Variants in PHF21B observed in about 807,000 individuals in gnomAD.
PHF21B encodes PHD finger protein 21B, also known as PHD finger protein 4.
PHF21B carries 22 observed loss-of-function variants against 62.2 expected under a neutral mutation model. The observed-to-expected ratio is 0.35, with a 90% CI of 0.25 to 0.51. The LOEUF (loss-of-function observed/expected upper bound fraction) is 0.51, where lower values mean the gene tolerates loss of function less well. PHF21B is among the 20% of genes least tolerant of loss of function. PHF21B has a pLI of 0.97. For missense variants in PHF21B, 701 were observed against 707.9 expected (o/e 0.99, Z 0.11); for synonymous variants, 341 against 314.7 (o/e 1.08, Z -0.88).
intron 2 of PHF21B, among the ~76,000 whole-genome samples, chr22:44,953,447 C>T (rs2072233811): frequency 6.6e-6 from 1 of 152,188 alleles, no homozygotes; most frequent in East Asian, 1.9e-4. Context: ...GCTAATTTTC[C>T]ACGTTCCCTT....
intron 2 of PHF21B, among the ~76,000 whole-genome samples, chr22:44,957,506 A>G (rs890179523): frequency 1.3e-5 from 2 of 152,136 alleles, no homozygotes; most frequent in African/African-American, 4.8e-5. Context: ...TTTTATGTGT[A>G]TTTAAATAAC....
At chr22:44,933,986 G>A (rs979373921) in intron 2 of PHF21B, among the ~76,000 whole-genome samples, 1 of 152,188 alleles carries the variant, frequency 6.6e-6, no homozygotes, top group Non-Finnish European at 1.5e-5. Flanking sequence ...GCATTTCCAC[G>A]CAGTTTGAGG....
rs922855132 is a variant in PHF21B at position 45,009,016 on chromosome 22, C to T, written c.55-406G>A. 87 of 1,125,212 alleles carry T rather than the reference C, an allele frequency of 7.7e-5. No individual in the cohort carries two copies. Among genetic ancestry groups the T allele is most frequent in the Non-Finnish European group, 8.8e-5 (81 of 920,202 alleles). 69.7% of individuals were successfully genotyped at this position (1,125,212 alleles called of 1,614,324 possible). On this transcript the variant is annotated intron_variant, in intron 1 of 12. Transcript: ENST00000313237. The surrounding 1 kb of genome is among the most constrained non-coding windows in gnomAD (Gnocchi z 5.9). ...AATATTCAAGTCGCGTCCTAATCTC[C>T]CCAACACACACACGCGCACGCCGAG... is the stretch of plus-strand genomic sequence containing the variant.
intron 5 of PHF21B, among the ~76,000 whole-genome samples, chr22:44,906,509 C>T (rs1461460576): frequency 2.0e-5 from 3 of 152,304 alleles, no homozygotes; most frequent in South Asian, 2.1e-4. Context: ...CTTTGCAGGG[C>T]GTGTACTGAT....
intron 5 of PHF21B, among the ~76,000 whole-genome samples, chr22:44,899,349 G>T (rs1027365960): frequency 6.9e-6 from 1 of 144,474 alleles, no homozygotes; most frequent in Non-Finnish European, 1.5e-5. Flanking sequence ...GGAGTGCAGT[G>T]GCATGATCTC....
intron 2 of PHF21B, among the ~76,000 whole-genome samples, chr22:44,994,530 CTG>C (rs2147512522): frequency 6.6e-6 from 1 of 152,364 alleles, no homozygotes; most frequent in Non-Finnish European, 1.5e-5. Context: ...GCCTCCAGAA[CTG>C]TGAGAGAATG....
intron 2 of PHF21B, among the ~76,000 whole-genome samples, chr22:44,924,064 G>C (rs896550349): frequency 1.5e-5 from 1 of 66,574 alleles, no homozygotes; most frequent in African/African-American, 3.8e-5. Flanking sequence ...GGGAGGGAGG[G>C]AGGGAGGGGA....
Position 45,009,349 on chromosome 22 carries a change from G to A in PHF21B, c.54+147C>T. On this transcript the variant is annotated intron_variant, in intron 1 of 12. Coordinates refer to ENST00000313237, the MANE Select transcript of PHF21B (RefSeq NM_138415.5). This position sits in a 1 kb window ranked among gnomAD's most constrained non-coding sequence, Gnocchi z 5.9. ...GGAGCCCAGAAGGGGGTCCGCGCGT[G>A]TGCTCACTCCCTCGCCCCCCGCCCC... The A allele has an allele frequency of 2.5e-6, 2 of 804,162 alleles. No individual in the cohort carries two copies. Among genetic ancestry groups the A allele is most frequent in the Non-Finnish European group, 3.7e-6 (2 of 533,912 alleles). The allele number at this position is 804,162 out of a possible 1,614,324, so 49.8% of individuals were successfully genotyped here.
chr22:44,952,992 C>T (rs1017665249), intron 2 of PHF21B, among the ~76,000 whole-genome samples: 1 of 152,214 alleles, frequency 6.6e-6, no homozygotes, highest in Admixed American at 6.5e-5. Context: ...ATTCCGCAGA[C>T]CCCTGGGTCT....
chr22:44,927,118 C>T (rs1281122009), intron 2 of PHF21B, among the ~76,000 whole-genome samples: 1 of 151,852 alleles, frequency 6.6e-6, no homozygotes, highest in Non-Finnish European at 1.5e-5. Flanking sequence ...CGGATGGAGG[C>T]GGCGGAGAGG....
chr22:44,898,368 C>G (rs932113811), intron 5 of PHF21B, among the ~76,000 whole-genome samples: 2 of 152,132 alleles, frequency 1.3e-5, no homozygotes, highest in African/African-American at 4.8e-5. Context: ...AGGGCGTAGA[C>G]CACCCACCTG....
intron 6 of PHF21B, among the ~76,000 whole-genome samples, chr22:44,895,207 C>T (rs1209582112): frequency 6.6e-6 from 1 of 152,164 alleles, no homozygotes; most frequent in African/African-American, 2.4e-5. Context: ...CCCTGGGACC[C>T]TGGGCAAGTG....
intron 2 of PHF21B, among the ~76,000 whole-genome samples, chr22:44,936,040 A>G (rs1360321595): frequency 6.6e-6 from 1 of 152,234 alleles, no homozygotes; most frequent in Non-Finnish European, 1.5e-5. Flanking sequence ...AACGTGTTGA[A>G]AATAAGCTTT....
intron 2 of PHF21B, among the ~76,000 whole-genome samples, chr22:44,938,577 C>A (rs1405303610): frequency 1.3e-5 from 2 of 152,250 alleles, no homozygotes; most frequent in Admixed American, 6.5e-5. Flanking sequence ...CTCCAACCCT[C>A]ATAGAAAGGC....
chr22:44,898,877 T>C (rs889048636), intron 5 of PHF21B, among the ~76,000 whole-genome samples: 1 of 152,218 alleles, frequency 6.6e-6, no homozygotes, highest in Non-Finnish European at 1.5e-5. Context: ...CCAATACCAT[T>C]TACTGAAAAT....
At chr22:44,902,355 C>A (rs1420543048) in intron 5 of PHF21B, 2 of 350,622 alleles carry the variant, frequency 5.7e-6, no homozygotes, top group Non-Finnish European at 5.7e-6. Flanking sequence ...AAAGCTATTC[C>A]TCAGCTCCAG....
intron 3 of PHF21B, among the ~76,000 whole-genome samples, chr22:44,918,441 G>C (rs1405160510): frequency 6.6e-6 from 1 of 152,228 alleles, no homozygotes; most frequent in African/African-American, 2.4e-5. Flanking sequence ...ACCCCACAGA[G>C]AACACCTTCA....
chr22:44,994,552 A>T (rs1018861748), intron 2 of PHF21B, among the ~76,000 whole-genome samples: 1 of 152,182 alleles, frequency 6.6e-6, no homozygotes, highest in African/African-American at 2.4e-5. Context: ...GAATTCTGCT[A>T]TTTTACGCTG....
intron 2 of PHF21B, among the ~76,000 whole-genome samples, chr22:44,987,419 G>A (rs1207598776): frequency 2.0e-5 from 3 of 152,154 alleles, no homozygotes; most frequent in South Asian, 2.1e-4. Flanking sequence ...TAACAGCCAC[G>A]GTTCTGCTTC....
Sources: allele counts gnomAD v4.1 joint callset (sites outside exome capture counted in the v4.1 genomes callset), GRCh38; gene constraint gnomAD v4.1.1; non-coding constraint Gnocchi (gnomAD v3.1); transcripts MANE v1.5; gene names NCBI Gene and HGNC (gene_info 2026-07-23, HGNC 2026-07-21).